PCDHA6: variants seen among roughly 807,000 people sequenced by gnomAD.
PCDHA6 encodes protocadherin alpha-6.
A neutral mutation model predicts 60.3 loss-of-function variants in PCDHA6; 55 were observed. The ratio of observed to expected loss-of-function variants is 0.91; its 90% CI spans 0.73 to 1.14. The LOEUF (loss-of-function observed/expected upper bound fraction) is 1.14. PCDHA6 is among the 50% of genes most tolerant of loss of function. The pLI is 0.00. For synonymous variants in PCDHA6, 652 were observed against 557.9 expected (o/e 1.17, Z -2.38); for missense variants, 1,327 against 1,256.5 (o/e 1.06, Z -0.85).
chr5:140,869,430 C>G (rs73793507), intron 1 of PCDHA6: 1 of 1,614,036 alleles, frequency 6.2e-7, no homozygotes, highest in African/African-American at 1.3e-5. Context: ...TGGAGGTGAT[C>G]GTGGACAGGC....
chr5:140,843,322 G>T (rs1473227460), intron 1 of PCDHA6: 4 of 1,595,938 alleles, frequency 2.5e-6, no homozygotes, highest in Non-Finnish European at 1.7e-6. Context: ...CGGTTCTGGT[G>T]TCGCTGGTGG....
rs1056248774 is a variant in PCDHA6, at chr5:140,862,628, G to A, written c.2394+32143G>A. On this transcript the variant is annotated intron_variant, in intron 1 of 3. Coordinates refer to ENST00000529310, the MANE Select transcript of PCDHA6 (RefSeq NM_018909.4). The stretch of plus-strand genomic sequence containing the variant: ...GTGAAAGGTAACAACCCGCGGGGCT[G>A]CCACGACTTCACAGTGTCCGCGCGG... The A allele has an allele frequency of 9.4e-6, 5 of 534,028 alleles. No individual in the cohort carries two copies. In the Admixed American group the frequency reaches 9.7e-5, roughly 10 times the overall value. 33.1% of individuals were successfully genotyped at this position (534,028 alleles called of 1,614,324 possible). A position where few individuals can be genotyped will look rare whatever the true frequency, so the allele number is the denominator to read the frequency against.
chr5:141,009,712 C>T lies in PCDHA6; in HGVS notation c.2628C>T (p.Pro876=). The T allele has an allele frequency of 1.2e-6, 2 of 1,614,156 alleles. No individual in the cohort carries two copies. Among genetic ancestry groups the T allele is most frequent in the African/African-American group, 1.3e-5 (1 of 75,034 alleles). ...CCTTTAAATACGGACCAGGCAACCC[C>T]AAACAATCCGGTCCCGGTGAGTTGC... is the stretch of plus-strand genomic sequence containing the variant. ...SWTFKYGPGN[P]KQSGPGELPD... is the part of the protein sequence containing the mutation. The change falls in exon 4 of 4, where the codon CCC becomes CCT. Residue 876 remains proline (P), a synonymous_variant. Transcript: ENST00000529310.
Position 140,966,881 on chromosome 5 carries a change from C to T in PCDHA6, c.2395-12068C>T, listed in dbSNP as rs2096065304. 4.4e-6 allele frequency: 7 copies of T among 1,588,952 alleles called. No individual in the cohort carries two copies. In the South Asian group the frequency reaches 6.7e-5, roughly 15 times the overall value. ...GCTGTTGCTGCTGCTGCTACCTGGC[C>T]CTGCGGCCTCCCAGCTGCGATACTC... On this transcript the variant is annotated intron_variant, in intron 1 of 3. Coordinates refer to ENST00000529310, the MANE Select transcript of PCDHA6 (RefSeq NM_018909.4).
chr5:140,966,529 G>C (rs1382443921), intron 1 of PCDHA6: 5 of 446,974 alleles, frequency 1.1e-5, no homozygotes, highest in Non-Finnish European at 1.9e-5. Flanking sequence ...GCCGAGCCGG[G>C]TTGAGCGACT....
intron 1 of PCDHA6, among the ~76,000 whole-genome samples, chr5:140,962,590 C>T (rs2095694493): frequency 6.6e-6 from 1 of 152,144 alleles, no homozygotes; most frequent in African/African-American, 2.4e-5. Context: ...AAATATTTGA[C>T]TGATATATTT....
At chr5:140,858,708 T>C in intron 1 of PCDHA6, 1 of 547,182 alleles carries the variant, frequency 1.8e-6, no homozygotes, top group African/African-American at 1.9e-5. Context: ...AAATATGTGA[T>C]ATAGGTTGCA....
intron 1 of PCDHA6, among the ~76,000 whole-genome samples, chr5:140,924,901 A>AAAT (rs1554202313): frequency 5.5e-4 from 44 of 80,500 alleles, no homozygotes; most frequent in Non-Finnish European, 9.1e-4. Flanking sequence ...TCTCAAAAAA[A>AAAT]AAAATAAAAT....
Position 140,923,530 on chromosome 5 carries a change from A to G in PCDHA6, c.2395-55419A>G, listed in dbSNP as rs115719485. On this transcript the variant is annotated intron_variant, in intron 1 of 3. Coordinates refer to ENST00000529310, the MANE Select transcript of PCDHA6 (RefSeq NM_018909.4). ...GATGATGAAGTGAGATTCTGTCCCAAAAAAAGGACAAAATGAAATATCAGC... is the reference window on the plus strand; with the variant it reads ...GATGATGAAGTGAGATTCTGTCCCAGAAAAAGGACAAAATGAAATATCAGC... Among the ~76,000 whole-genome samples, 836 of 152,264 alleles carry G rather than the reference A, an allele frequency of 5.5e-3. 5 individuals carry two copies. The highest frequency in any genetic ancestry group is 0.019 in the African/African-American group (794 of 41,534).
intron 1 of PCDHA6, chr5:140,927,446 T>C (rs1554204540): frequency 6.2e-7 from 1 of 1,614,128 alleles, no homozygotes; most frequent in Non-Finnish European, 8.5e-7. Flanking sequence ...TACCCGGAGT[T>C]GGTGTTGGAG....
chr5:140,903,765 C>G (rs782453519), intron 1 of PCDHA6, among the ~76,000 whole-genome samples: 1 of 152,086 alleles, frequency 6.6e-6, no homozygotes. Flanking sequence ...TTTTGCTGAA[C>G]TTTTCTATCC....
At chr5:140,888,394 C>T (rs1554183448) in intron 1 of PCDHA6, among the ~76,000 whole-genome samples, 2 of 152,134 alleles carry the variant, frequency 1.3e-5, no homozygotes, top group African/African-American at 2.4e-5. Flanking sequence ...TGCTAAACAC[C>T]ATCCAATTGC....
intron 1 of PCDHA6, chr5:140,841,611 G>C (rs2150319293): frequency 6.2e-7 from 1 of 1,614,018 alleles, no homozygotes. Context: ...GAGCTGTGCG[G>C]GCGGAGCGCG....
chr5:141,009,791 CCTA>C lies in PCDHA6; in HGVS notation c.2711_2713del (p.Thr904del), dbSNP rs2098414479. 1.2e-6 allele frequency: 2 copies of C among 1,613,966 alleles called. No homozygotes were observed. Among genetic ancestry groups the C allele is most frequent in the African/African-American group, 2.7e-5 (2 of 74,882 alleles). On this transcript the variant is annotated inframe_deletion, in exon 4 of 4. Coordinates refer to ENST00000529310, the MANE Select transcript of PCDHA6 (RefSeq NM_018909.4). ...TGCAATCATCTCCATCCGGCAGGAGCCTACTAACAGCCAAATTGACAAAAGTGA... is the reference window on the plus strand; with the variant it reads ...TGCAATCATCTCCATCCGGCAGGAGCCTAACAGCCAAATTGACAAAAGTGA...
intron 1 of PCDHA6, chr5:140,929,324 T>C (rs781810168): frequency 1.2e-5 from 19 of 1,540,130 alleles, no homozygotes; most frequent in Non-Finnish European, 3.5e-6. Context: ...GTCAATGCCA[T>C]GGTAAGCAAA....
intron 1 of PCDHA6, chr5:140,848,908 A>C: frequency 6.2e-7 from 1 of 1,600,388 alleles, no homozygotes; most frequent in Non-Finnish European, 8.5e-7. Flanking sequence ...GCGACACAAA[A>C]GAATCTGTTC....
At position 140,982,568 on chromosome 5, in the gene PCDHA6, A is replaced by G. The variant is rs1158399397; in HGVS notation, c.2542+5A>G. 6.2e-7 allele frequency: 1 copy of G among 1,613,890 alleles called. No individual in the cohort carries two copies. The highest frequency in any genetic ancestry group is 8.5e-7 in the Non-Finnish European group (1 of 1,179,906). On this transcript the variant is annotated splice_donor_5th_base_variant and intron_variant, in intron 3 of 3. Coordinates refer to ENST00000529310, the MANE Select transcript of PCDHA6 (RefSeq NM_018909.4). ...CAGTATCCAGTGCAACACCAGGTAA[A>G]GAGCTGGGGTCTCTCCATTCTTTCT...
chr5:140,899,005 G>A (rs1220603725), intron 1 of PCDHA6, among the ~76,000 whole-genome samples: 1 of 151,848 alleles, frequency 6.6e-6, no homozygotes, highest in Non-Finnish European at 1.5e-5. Context: ...TGTTATTGGT[G>A]TATAAGAATG....
At chr5:140,870,611 T>C in intron 1 of PCDHA6, 1 of 1,613,258 alleles carries the variant, frequency 6.2e-7, no homozygotes, top group Non-Finnish European at 8.5e-7. Flanking sequence ...GACCGCGCGC[T>C]GTCGAGCTAC....
Sources: gnomAD v4.1 joint callset for allele counts (sites outside exome capture counted in the v4.1 genomes callset) on GRCh38, gnomAD v4.1.1 for gene constraint, MANE v1.5 for transcripts, NCBI Gene and HGNC (gene_info 2026-07-23, HGNC 2026-07-21) for gene names.